FAM117A: variants seen among roughly 807,000 people sequenced by gnomAD.
The protein encoded by FAM117A is family with sequence similarity 117 member A, also known as protein FAM117A.
A neutral mutation model predicts 44.1 loss-of-function variants in FAM117A; 21 were observed. The observed-to-expected ratio is 0.48, with a 90% CI of 0.34 to 0.69. The LOEUF is 0.69. FAM117A is among the 30% of genes least tolerant of loss of function. The probability of loss-of-function intolerance (pLI) is 0.01; values close to 1 mark genes in which losing one functional copy is unlikely to be tolerated. For synonymous variants in FAM117A, 220 were observed against 238.3 expected, an observed-to-expected ratio of 0.92 and a Z score of 0.71; for missense variants, 498 against 589.9, an observed-to-expected ratio of 0.84 and a Z score of 1.61.
intron 1 of FAM117A, among the ~76,000 whole-genome samples, chr17:49,759,514 A>G (rs1167409812): frequency 6.6e-6 from 1 of 152,224 alleles, no homozygotes; most frequent in South Asian, 2.1e-4. Flanking sequence ...TGTAGCTCTT[A>G]AAGGGTTTTA....
chr17:49,731,391 C>T (rs1359420349), intron 2 of FAM117A, among the ~76,000 whole-genome samples: 1 of 152,230 alleles, frequency 6.6e-6, no homozygotes, highest in Non-Finnish European at 1.5e-5. Flanking sequence ...CTCTTAACAA[C>T]TTAGCTGCTA....
intron 1 of FAM117A, among the ~76,000 whole-genome samples, chr17:49,749,897 T>A (rs1486274523): frequency 6.7e-6 from 1 of 148,552 alleles, no homozygotes. Context: ...TGGGCTCACA[T>A]CCTGCTTCCA....
intron 1 of FAM117A, among the ~76,000 whole-genome samples, chr17:49,742,557 A>ATT (rs2073638953): frequency 6.6e-6 from 1 of 152,236 alleles, no homozygotes; most frequent in African/African-American, 2.4e-5. Flanking sequence ...ACATCCTTAA[A>ATT]ACAAAACACT....
rs763191016 is a variant in FAM117A, at chr17:49,732,716, G to A, written c.201C>T (p.Ser67=). The A allele has an allele frequency of 1.4e-5, 22 of 1,612,616 alleles. No individual in the cohort carries two copies. In the Middle Eastern group the frequency reaches 6.6e-4, roughly 48 times the overall value. ...QRRDGGGRAA[S]VPCSVAPEKS... Reference sequence around the variant, plus strand: ...TTTCTGGGGCCACCGAGCATGGGACGCTGGCTGCAAGAGAACACAGCCCGC... The same window carrying A: ...TTTCTGGGGCCACCGAGCATGGGACACTGGCTGCAAGAGAACACAGCCCGC... The change falls in exon 2 of 8, where the codon AGC becomes AGT. Residue 67 remains serine, a synonymous_variant. Transcript: ENST00000240364.
At chr17:49,764,243 A>C, upstream of FAM117A, 1 of 403,328 alleles carries the variant, frequency 2.5e-6, no homozygotes, top group Non-Finnish European at 4.4e-6. Flanking sequence ...ACCCCAGCCA[A>C]TCCACAGCTT....
At chr17:49,735,011 G>A (rs2073604288) in intron 1 of FAM117A, among the ~76,000 whole-genome samples, 1 of 152,192 alleles carries the variant, frequency 6.6e-6, no homozygotes, top group African/African-American at 2.4e-5. Flanking sequence ...TTAGGAGGAG[G>A]AGGGGGAGTA....
At chr17:49,716,042 T>C in intron 7 of FAM117A, 123 bp downstream of exon 7, 1 of 1,053,658 alleles carries the variant, frequency 9.5e-7, no homozygotes, top group Non-Finnish European at 1.4e-6. Flanking sequence ...CATGGAAAGC[T>C]GGCAATACTT....
intron 1 of FAM117A, among the ~76,000 whole-genome samples, chr17:49,740,463 A>G (rs529509549): frequency 2.0e-5 from 3 of 152,150 alleles, no homozygotes; most frequent in South Asian, 4.1e-4. Context: ...GTTAGCCAGG[A>G]TGGTCTTGAT....
intron 1 of FAM117A, among the ~76,000 whole-genome samples, chr17:49,777,640 T>C (rs1267559462): frequency 6.6e-6 from 1 of 152,082 alleles, no homozygotes; most frequent in African/African-American, 2.4e-5. Flanking sequence ...AGAAAAACTA[T>C]TTGAAATGTC....
In FAM117A at chr17:49,717,720, G is replaced by C. The variant is rs769642885; in HGVS notation, c.709-6C>G. On this transcript the variant is annotated splice_polypyrimidine_tract_variant and splice_region_variant and intron_variant, in intron 5 of 7. Transcript: ENST00000240364. The stretch of plus-strand genomic sequence containing the variant: ...CCATCAGGGATATCAAGGATCTAAC[G>C]GGGAAGGACGGTAAAGACTGTCAGC... 1.3e-6 allele frequency: 2 copies of C among 1,591,662 alleles called. No individual in the cohort carries two copies. Among genetic ancestry groups the C allele is most frequent in the African/African-American group, 2.7e-5 (2 of 74,492 alleles).
chr17:49,745,215 T>A (rs1048124008), intron 1 of FAM117A, among the ~76,000 whole-genome samples: 4 of 152,186 alleles, frequency 2.6e-5, no homozygotes, highest in African/African-American at 9.7e-5. Flanking sequence ...CCCCATTTTG[T>A]TGCCTTCCCT....
At chr17:49,775,930 T>C (rs1325785996) in intron 1 of FAM117A, among the ~76,000 whole-genome samples, 1 of 152,178 alleles carries the variant, frequency 6.6e-6, no homozygotes, top group African/African-American at 2.4e-5. Flanking sequence ...CTTGGCCCTG[T>C]ACACCCAATT....
At chr17:49,752,723 G>A (rs1290603991) in intron 1 of FAM117A, among the ~76,000 whole-genome samples, 1 of 152,038 alleles carries the variant, frequency 6.6e-6, no homozygotes, top group Non-Finnish European at 1.5e-5. Context: ...CTCAAAAGCC[G>A]CCACCATATC....
intron 3 of FAM117A, among the ~76,000 whole-genome samples, 160 bp downstream of exon 3, chr17:49,722,339 G>A (rs1301013149): frequency 1.3e-5 from 2 of 152,198 alleles, no homozygotes; most frequent in Non-Finnish European, 2.9e-5. Context: ...CACTTGGAGA[G>A]TGGGAGTCAG....
chr17:49,743,943 T>TG lies in FAM117A; in HGVS notation c.197-11224dup, dbSNP rs762058864. On this transcript the variant is annotated intron_variant, in intron 1 of 7. Coordinates refer to ENST00000240364, the MANE Select transcript of FAM117A (RefSeq NM_030802.4). ...GACCCTGTCTTAAAAAAAAAAAGGT[T>TG]GGGGGGGGCGTCCCTTTTCCAGTGA... is the stretch of plus-strand genomic sequence containing the variant. Among the ~76,000 whole-genome samples, 78 of 147,656 alleles carry TG rather than the reference T, an allele frequency of 5.3e-4. No individual in the cohort carries two copies. The Middle Eastern group carries it at 0.011, about 20-fold the overall frequency.
chr17:49,737,726 C>A (rs1048267271), intron 1 of FAM117A, among the ~76,000 whole-genome samples: 8 of 152,188 alleles, frequency 5.3e-5, no homozygotes, highest in African/African-American at 1.9e-4. Flanking sequence ...ATCTTTTACT[C>A]TCCTGTCAGC....
intron 1 of FAM117A, among the ~76,000 whole-genome samples, chr17:49,756,886 C>T (rs1397259091): frequency 2.0e-5 from 3 of 148,460 alleles, no homozygotes; most frequent in African/African-American, 7.5e-5. Flanking sequence ...CACTGCACTC[C>T]AGCTTGAGCT....
chr17:49,721,953 G>C (rs2143708256), intron 3 of FAM117A, among the ~76,000 whole-genome samples: 1 of 152,002 alleles, frequency 6.6e-6, no homozygotes, highest in African/African-American at 2.4e-5. Context: ...TCAAAAATTA[G>C]GTGGCTGTGG....
chr17:49,731,410 G>A (rs1472700471), intron 2 of FAM117A, among the ~76,000 whole-genome samples: 1 of 152,226 alleles, frequency 6.6e-6, no homozygotes, highest in Non-Finnish European at 1.5e-5. Flanking sequence ...TAAGAATGAA[G>A]TCCTGAATCA....
Sources: gnomAD v4.1 joint callset for allele counts (sites outside exome capture counted in the v4.1 genomes callset) on GRCh38, gnomAD v4.1.1 for gene constraint, MANE v1.5 for transcripts, NCBI Gene and HGNC (gene_info 2026-07-23, HGNC 2026-07-21) for gene names.